The following CADM2 variants were observed in gnomAD, a reference collection of about 807,000 sequenced individuals.
CADM2 encodes the protein cell adhesion molecule 2.
A neutral mutation model predicts 49.8 loss-of-function variants in CADM2; 12 were observed. That is an observed-to-expected ratio of 0.24 (90% CI 0.15 to 0.39). The LOEUF is 0.39. Among genes scored for constraint, CADM2 ranks in the 10% least tolerant of loss-of-function variants. The probability of loss-of-function intolerance (pLI) is 1.00; values close to 1 mark genes in which losing one functional copy is unlikely to be tolerated. For synonymous variants in CADM2, 214 were observed against 175.4 expected (o/e 1.22, Z -1.74); for missense variants, 378 against 492.3 (o/e 0.77, Z 2.20).
intron 1 of CADM2, among the ~76,000 whole-genome samples, chr3:85,554,866 T>C (rs1471542412): frequency 3.1e-5 from 3 of 96,274 alleles, no homozygotes; most frequent in Non-Finnish European, 4.9e-5. Flanking sequence ...TATTTGACTT[T>C]ATTTTTTTTA....
At chr3:85,583,038 T>C (rs999734819) in intron 1 of CADM2, among the ~76,000 whole-genome samples, 1 of 152,160 alleles carries the variant, frequency 6.6e-6, no homozygotes, top group Non-Finnish European at 1.5e-5. Context: ...GCCTGGTGTA[T>C]AGGAAGTGCT....
Position 85,885,313 on chromosome 3 carries a change from G to T in CADM2, c.392-877G>T, listed in dbSNP as rs534375090. Among the ~76,000 whole-genome samples, 6 of 151,106 alleles carry T rather than the reference G, an allele frequency of 4.0e-5. No homozygotes were observed. The East Asian group carries it at 1.2e-3, about 31-fold the overall frequency. On this transcript the variant is annotated intron_variant, in intron 4 of 9. Transcript: ENST00000383699. The stretch of plus-strand genomic sequence containing the variant: ...GCACTTTGGGAGGCCGAGGTAGGTG[G>T]ATCACTTGAGGTCAGGAGTTTGAGA...
intron 3 of CADM2, among the ~76,000 whole-genome samples, chr3:85,822,252 T>A (rs548785146): frequency 6.6e-6 from 1 of 152,130 alleles, no homozygotes; most frequent in Admixed American, 6.5e-5. Flanking sequence ...AGAAGAGATT[T>A]TGAAGCAATT....
intron 1 of CADM2, among the ~76,000 whole-genome samples, chr3:85,456,909 A>G (rs1273119332): frequency 6.6e-6 from 1 of 151,870 alleles, no homozygotes; most frequent in African/African-American, 2.4e-5. Flanking sequence ...AGGCTGTTTA[A>G]TGAAAAACGG....
chr3:85,431,127 T>A (rs2036642820), intron 1 of CADM2, among the ~76,000 whole-genome samples: 1 of 152,142 alleles, frequency 6.6e-6, no homozygotes, highest in African/African-American at 2.4e-5. Context: ...TACACTTGCC[T>A]ACAATGTTCA....
chr3:85,736,262 A>G lies in CADM2; in HGVS notation c.88+9714A>G, dbSNP rs192316717. Among the ~76,000 whole-genome samples the G allele has an allele frequency of 2.0e-3, 306 of 152,376 alleles. 2 individuals are homozygous for G. Among genetic ancestry groups the G allele is most frequent in the African/African-American group, 7.0e-3 (291 of 41,596 alleles). On this transcript the variant is annotated intron_variant, in intron 2 of 9. Transcript: ENST00000383699. ...GGATTTAGCAATGTGGAAACAAGCAATGTAACCTTGGTAATTGCCAATTAC... is the reference window on the plus strand; with the variant it reads ...GGATTTAGCAATGTGGAAACAAGCAGTGTAACCTTGGTAATTGCCAATTAC...
intron 2 of CADM2, among the ~76,000 whole-genome samples, chr3:85,778,624 G>A (rs146944418): frequency 3.1e-4 from 47 of 152,214 alleles, no homozygotes; most frequent in African/African-American, 1.1e-3. Context: ...CAACCATGCA[G>A]AACTGTGAGT....
chr3:85,252,206 A>G (rs893476967), intron 1 of CADM2, among the ~76,000 whole-genome samples: 20 of 152,050 alleles, frequency 1.3e-4, no homozygotes, highest in Non-Finnish European at 2.9e-4. Flanking sequence ...CATAAATGCT[A>G]AGAACCAATT....
chr3:85,469,833 C>T (rs1410437812), intron 1 of CADM2, among the ~76,000 whole-genome samples: 1 of 152,160 alleles, frequency 6.6e-6, no homozygotes, highest in African/African-American at 2.4e-5. Context: ...CAGGTGCCTA[C>T]AACTCTATCT....
chr3:85,063,770 G>A (rs1371919568), intron 1 of CADM2, among the ~76,000 whole-genome samples: 1 of 151,918 alleles, frequency 6.6e-6, no homozygotes, highest in African/African-American at 2.4e-5. Flanking sequence ...GAGAACATGA[G>A]TTCCACCTTG....
At chr3:85,397,701 A>G (rs542905902) in intron 1 of CADM2, among the ~76,000 whole-genome samples, 1 of 152,290 alleles carries the variant, frequency 6.6e-6, no homozygotes, top group African/African-American at 2.4e-5. Context: ...GACACAAAAC[A>G]GAATAGAGAC....
At chr3:85,568,427 CTT>C (rs1491579824) in intron 1 of CADM2, among the ~76,000 whole-genome samples, 316 of 28,018 alleles carry the variant, frequency 0.011, 6 homozygotes, top group African/African-American at 0.034. Context: ...TTCTTTCTTT[CTT>C]TCTTTCTTTC....
chr3:85,327,492 G>A (rs761818544), intron 1 of CADM2, among the ~76,000 whole-genome samples: 1 of 150,766 alleles, frequency 6.6e-6, no homozygotes, highest in Non-Finnish European at 1.5e-5. Flanking sequence ...CTGACCTCTG[G>A]TGATTGACCT....
intron 1 of CADM2, among the ~76,000 whole-genome samples, chr3:85,315,718 T>TA (rs1213903698): frequency 6.6e-6 from 1 of 152,178 alleles, no homozygotes; most frequent in Admixed American, 6.6e-5. Flanking sequence ...TGTAAAAACT[T>TA]ATCAAATATG....
intron 3 of CADM2, among the ~76,000 whole-genome samples, chr3:85,862,977 T>C (rs1235494845): frequency 6.6e-6 from 1 of 152,118 alleles, no homozygotes; most frequent in Non-Finnish European, 1.5e-5. Flanking sequence ...GGAGAGGAAA[T>C]GTTATCAAGA....
intron 1 of CADM2, among the ~76,000 whole-genome samples, chr3:85,716,321 C>A (rs2067291350): frequency 6.6e-6 from 1 of 152,156 alleles, no homozygotes; most frequent in Non-Finnish European, 1.5e-5. Flanking sequence ...AATGTCTGTT[C>A]ATAACCTTTG....
chr3:85,109,450 AG>A (rs1181974152), intron 1 of CADM2, among the ~76,000 whole-genome samples: 3 of 151,808 alleles, frequency 2.0e-5, no homozygotes, highest in African/African-American at 7.2e-5. Flanking sequence ...ATAGAAAAGT[AG>A]GGGGGGAAAT....
chr3:85,714,466 A>T (rs1358246330), intron 1 of CADM2, among the ~76,000 whole-genome samples: 2 of 151,968 alleles, frequency 1.3e-5, no homozygotes, highest in African/African-American at 2.4e-5. Context: ...TCACTCTGTC[A>T]CCCAGGCTGG....
At chr3:86,058,986 T>G (rs1738309657) in intron 8 of CADM2, among the ~76,000 whole-genome samples, 1 of 150,416 alleles carries the variant, frequency 6.6e-6, no homozygotes. Context: ...CTCAGCTACT[T>G]GGGTGGCTGA....
Sources: gnomAD v4.1 joint callset for allele counts (sites outside exome capture counted in the v4.1 genomes callset) on GRCh38, gnomAD v4.1.1 for gene constraint, MANE v1.5 for transcripts, NCBI Gene and HGNC (gene_info 2026-07-23, HGNC 2026-07-21) for gene names.